The following KSR2 variants were observed in gnomAD, a reference collection of about 807,000 sequenced individuals.
KSR2 encodes kinase suppressor of ras 2.
In KSR2, 25 loss-of-function variants were observed where a neutral mutation model predicts 107.8. The observed-to-expected ratio is 0.23, with a 90% CI of 0.17 to 0.32. KSR2 has a LOEUF of 0.32. Among genes scored for constraint, KSR2 ranks in the 10% least tolerant of loss-of-function variants. KSR2 has a pLI of 1.00. For missense variants in KSR2, 887 were observed against 1,268.9 expected (o/e 0.70, Z 4.57); for synonymous variants, 480 against 507.0 (o/e 0.95, Z 0.71).
intron 3 of KSR2, among the ~76,000 whole-genome samples, chr12:117,794,208 C>T (rs1890478507): frequency 8.9e-6 from 1 of 112,456 alleles, no homozygotes; most frequent in African/African-American, 3.7e-5. Context: ...TGCACACATA[C>T]ACCAACATGC....
intron 1 of KSR2, among the ~76,000 whole-genome samples, chr12:117,922,685 T>C (rs966854188): frequency 1.3e-5 from 2 of 152,182 alleles, no homozygotes; most frequent in Non-Finnish European, 2.9e-5. Flanking sequence ...TTTAGAGCTT[T>C]AAGACCCAAA....
intron 5 of KSR2, among the ~76,000 whole-genome samples, chr12:117,593,645 T>C (rs1880456218): frequency 6.6e-6 from 1 of 152,228 alleles, no homozygotes; most frequent in African/African-American, 2.4e-5. Context: ...TCTGTGCATC[T>C]CCTCCTCTGT....
chr12:117,544,908 T>C (rs1263403167), intron 9 of KSR2, among the ~76,000 whole-genome samples: 1 of 152,198 alleles, frequency 6.6e-6, no homozygotes, highest in Non-Finnish European at 1.5e-5. Context: ...AGCTTGTTCC[T>C]AGCTGTAGAG....
At chr12:117,638,116 C>T (rs181412111) in intron 5 of KSR2, among the ~76,000 whole-genome samples, 73 of 152,110 alleles carry the variant, frequency 4.8e-4, no homozygotes, top group African/African-American at 1.4e-3. Flanking sequence ...TAGGACACAC[C>T]GCTTTCTCAT....
intron 5 of KSR2, among the ~76,000 whole-genome samples, chr12:117,634,085 C>A (rs1565936559): frequency 6.6e-6 from 1 of 152,172 alleles, no homozygotes; most frequent in Non-Finnish European, 1.5e-5. Context: ...AGCCCAGCCC[C>A]TAGCATGTGG....
intron 5 of KSR2, among the ~76,000 whole-genome samples, chr12:117,623,515 T>C (rs1882304355): frequency 6.6e-6 from 1 of 152,228 alleles, no homozygotes; most frequent in African/African-American, 2.4e-5. Context: ...TTGCTGAGAA[T>C]GATGGTTTCC....
intron 14 of KSR2, 30 bp downstream of exon 14, chr12:117,524,822 T>A: frequency 6.4e-7 from 1 of 1,572,440 alleles, no homozygotes; most frequent in Non-Finnish European, 8.6e-7. Context: ...GTTTTGCCAA[T>A]CCCTGGGTAG....
chr12:117,668,099 G>A (rs1428347705), intron 4 of KSR2, among the ~76,000 whole-genome samples: 1 of 152,208 alleles, frequency 6.6e-6, no homozygotes, highest in Admixed American at 6.5e-5. Context: ...TCTGTGTCAA[G>A]GTGGCATTCA....
intron 5 of KSR2, among the ~76,000 whole-genome samples, chr12:117,645,989 T>C (rs1883617040): frequency 6.6e-6 from 1 of 151,272 alleles, no homozygotes; most frequent in African/African-American, 2.4e-5. Flanking sequence ...TATGTTCAAG[T>C]CCCTGATATA....
chr12:117,919,008 G>A lies in KSR2; in HGVS notation c.180+49068C>T, dbSNP rs879827743. On this transcript the variant is annotated intron_variant, in intron 1 of 19. Coordinates refer to ENST00000339824, the MANE Select transcript of KSR2 (RefSeq NM_173598.6). ...AAATTAGCTGGGTGTGGTGGTGCAC[G>A]CTGTAGTAGTCCCAGCTAACTCAGG... Among the ~76,000 whole-genome samples the A allele has an allele frequency of 5.9e-5, 9 of 151,518 alleles. No individual in the cohort carries two copies. The South Asian group carries it at 6.3e-4, about 11-fold the overall frequency.
At chr12:117,932,599 G>A (rs1390368854) in intron 1 of KSR2, among the ~76,000 whole-genome samples, 1 of 152,152 alleles carries the variant, frequency 6.6e-6, no homozygotes, top group Non-Finnish European at 1.5e-5. Flanking sequence ...GCACACACCT[G>A]CAGTCCCAGC....
intron 3 of KSR2, among the ~76,000 whole-genome samples, chr12:117,776,065 C>G (rs1889674354): frequency 6.6e-6 from 1 of 151,788 alleles, no homozygotes; most frequent in South Asian, 2.1e-4. Flanking sequence ...ACCACCTGTT[C>G]CCCAAAAAAC....
chr12:117,457,198 T>G lies in KSR2; in HGVS notation c.*10001A>C, dbSNP rs1870667063. ...TCAAACCACTGGTGATGCTAACTAG[T>G]GCTTTAAAAACCTATTTCCCTGCAA... On this transcript the variant is annotated 3_prime_UTR_variant, in exon 20 of 20. Transcript: ENST00000339824. 1.3e-5 allele frequency: 2 copies of G among 152,242 alleles called. No homozygotes were observed. The highest frequency in any genetic ancestry group is 1.5e-5 in the Non-Finnish European group (1 of 68,048). 9.4% of individuals were successfully genotyped at this position (152,242 alleles called of 1,614,324 possible).
At chr12:117,611,445 G>GACACACACAC (rs6144887) in intron 5 of KSR2, among the ~76,000 whole-genome samples, 83 of 144,610 alleles carry the variant, frequency 5.7e-4, no homozygotes, top group African/African-American at 1.6e-3. Flanking sequence ...TGCACGCACA[G>GACACACACAC]ACACACACAC....
intron 4 of KSR2, among the ~76,000 whole-genome samples, chr12:117,725,814 G>A (rs1887402632): frequency 6.6e-6 from 1 of 152,094 alleles, no homozygotes; most frequent in Admixed American, 6.6e-5. Context: ...AGGCATGGTG[G>A]TGCACACCTG....
intron 4 of KSR2, among the ~76,000 whole-genome samples, chr12:117,735,358 C>T (rs1268926753): frequency 6.6e-6 from 1 of 152,174 alleles, no homozygotes; most frequent in Non-Finnish European, 1.5e-5. Flanking sequence ...CTCCCAGAAG[C>T]CTGGCGCCTG....
At chr12:117,668,966 A>G (rs1041121220) in intron 4 of KSR2, among the ~76,000 whole-genome samples, 2 of 152,192 alleles carry the variant, frequency 1.3e-5, no homozygotes, top group Non-Finnish European at 2.9e-5. Context: ...AGGAAGGTAA[A>G]GAAGAGCTCT....
intron 1 of KSR2, among the ~76,000 whole-genome samples, chr12:117,865,938 T>G (rs1028212171): frequency 1.3e-5 from 2 of 152,144 alleles, no homozygotes; most frequent in African/African-American, 4.8e-5. Flanking sequence ...CTGTCCAAAT[T>G]TTTCTCCAGC....
At chr12:117,876,388 G>A (rs983185470) in intron 1 of KSR2, among the ~76,000 whole-genome samples, 3 of 152,230 alleles carry the variant, frequency 2.0e-5, no homozygotes, top group Non-Finnish European at 2.9e-5. Flanking sequence ...CTGAGGCCAG[G>A]CAGAGGGACC....
Sources: allele counts gnomAD v4.1 joint callset (sites outside exome capture counted in the v4.1 genomes callset), GRCh38; gene constraint gnomAD v4.1.1; transcripts MANE v1.5; gene names NCBI Gene and HGNC (gene_info 2026-07-23, HGNC 2026-07-21).